Variants in PCDHA3 observed in about 807,000 individuals in gnomAD.
PCDHA3 encodes the protein protocadherin alpha 3.
Under a neutral mutation model 62.2 loss-of-function variants are expected in PCDHA3, and 41 were observed. The ratio of observed to expected loss-of-function variants is 0.66; its 90% confidence interval spans 0.51 to 0.86. PCDHA3 has a LOEUF of 0.86. Among genes scored for constraint, PCDHA3 ranks in the 40% least tolerant of loss-of-function variants. The pLI is 0.00. For missense variants in PCDHA3, 1,304 were observed against 1,241.2 expected (o/e 1.05, Z -0.76); for synonymous variants, 640 against 555.4 (o/e 1.15, Z -2.14).
chr5:140,828,149 C>T, intron 1 of PCDHA3: 1 of 1,614,102 alleles, frequency 6.2e-7, no homozygotes. Flanking sequence ...CCCGCTTCTG[C>T]TCCTCGCAGC....
At chr5:140,927,316 C>A in intron 1 of PCDHA3, 1 of 1,614,198 alleles carries the variant, frequency 6.2e-7, no homozygotes, top group Non-Finnish European at 8.5e-7. Flanking sequence ...GCCCGGAGCC[C>A]GCTTTACTCT....
chr5:140,869,307 C>G, intron 1 of PCDHA3: 2 of 1,613,664 alleles, frequency 1.2e-6, no homozygotes, highest in Non-Finnish European at 1.7e-6. Flanking sequence ...GGGTGGCGTC[C>G]AAAACACATG....
chr5:141,001,489 T>C (rs2098020927), intron 3 of PCDHA3, among the ~76,000 whole-genome samples: 3 of 152,236 alleles, frequency 2.0e-5, no homozygotes. Context: ...GTGCTGGAAA[T>C]GCTAGCCCAG....
At chr5:140,862,433 G>A (rs781821294) in intron 1 of PCDHA3, 31 of 354,884 alleles carry the variant, frequency 8.7e-5, no homozygotes, top group Admixed American at 2.6e-4. Context: ...GAAACTATTC[G>A]TTGGTACTCC....
At chr5:140,888,210 T>TTG (rs1325850915) in intron 1 of PCDHA3, among the ~76,000 whole-genome samples, 2 of 152,080 alleles carry the variant, frequency 1.3e-5, no homozygotes, top group Admixed American at 1.3e-4. Context: ...ATGCTGGATT[T>TTG]TGTGTGTGTG....
In PCDHA3 at chr5:140,801,924, G is replaced by C; in HGVS notation, c.727G>C (p.Glu243Gln). 1 of 1,614,206 alleles carries C rather than the reference G, an allele frequency of 6.2e-7. No individual in the cohort carries two copies. Among genetic ancestry groups the C allele is most frequent in the Non-Finnish European group, 8.5e-7 (1 of 1,180,046 alleles). Residue 243 changes from glutamate to glutamine, a missense_variant, in exon 1 of 4, where the codon GAG (glutamate) becomes CAG (glutamine). Coordinates refer to ENST00000522353, the MANE Select transcript of PCDHA3 (RefSeq NM_018906.3). ...TGTAAACGACAACGCCCCAGCGTTT[G>C]AGAGGACGATCTATAAAGTCAGATT... Reference protein sequence around the residue: ...LDVNDNAPAFERTIYKVRLLE... With the variant: ...LDVNDNAPAFQRTIYKVRLLE...
At chr5:140,857,890 G>A in intron 1 of PCDHA3, 3 of 1,597,852 alleles carry the variant, frequency 1.9e-6, no homozygotes, top group Non-Finnish European at 2.6e-6. Context: ...AGTCGGCGGC[G>A]GTTGGTGCAC....
intron 1 of PCDHA3, chr5:140,827,969 T>G: frequency 1.5e-6 from 2 of 1,373,188 alleles, no homozygotes; most frequent in Non-Finnish European, 2.0e-6. Flanking sequence ...TATTACTGCA[T>G]CATTCCCTGA....
Position 140,857,130 on chromosome 5 carries a change from A to T in PCDHA3, c.2394+53539A>T, listed in dbSNP as rs1554149562. 6.3e-7 allele frequency: 1 copy of T among 1,598,310 alleles called. No individual in the cohort carries two copies. The highest frequency in any genetic ancestry group is 8.6e-7 in the Non-Finnish European group (1 of 1,167,812). On this transcript the variant is annotated intron_variant, in intron 1 of 3. Coordinates refer to ENST00000522353, the MANE Select transcript of PCDHA3 (RefSeq NM_018906.3). Reference sequence around the variant, plus strand: ...TCTCTGTCTCTCCCAGTGAAAGAAGATGCTCAAGTGGGCACCGTCATTGCC... The same window carrying T: ...TCTCTGTCTCTCCCAGTGAAAGAAGTTGCTCAAGTGGGCACCGTCATTGCC...
chr5:140,801,755 T>C lies in PCDHA3; in HGVS notation c.558T>C (p.Asp186=), dbSNP rs1554121669. 2 of 1,613,940 alleles carry C rather than the reference T, an allele frequency of 1.2e-6. No individual in the cohort carries two copies. The highest frequency in any genetic ancestry group is 1.7e-5 in the Admixed American group (1 of 59,966). ...TTACCTTGGACGTTAAAAGAAATGA[T>C]GAGGAAATTAAATCCCTTGGACTCG... The part of the protein sequence containing the change: ...EYFTLDVKRN[D]EEIKSLGLVL... Residue 186 remains aspartate (D), a synonymous_variant, in exon 1 of 4, where the codon GAT becomes GAC. Coordinates refer to ENST00000522353, the MANE Select transcript of PCDHA3 (RefSeq NM_018906.3).
intron 1 of PCDHA3, chr5:140,829,623 A>T: frequency 6.2e-7 from 1 of 1,612,184 alleles, no homozygotes; most frequent in Non-Finnish European, 8.5e-7. Flanking sequence ...ATTTCGGTGC[A>T]CGCGGAGAGC....
rs2150127070 is a variant in PCDHA3 at position 140,823,576 on chromosome 5, G to C, written c.2394+19985G>C. The C allele has an allele frequency of 3.7e-6, 6 of 1,613,976 alleles. No homozygotes were observed. In the East Asian group the frequency reaches 1.3e-4, roughly 36 times the overall value. ...GGTGCGCGCAGTGGACCCTGATTCG[G>C]GCTACAACGCTTGGCTTTCGTATGA... On this transcript the variant is annotated intron_variant, in intron 1 of 3. Coordinates refer to ENST00000522353, the MANE Select transcript of PCDHA3 (RefSeq NM_018906.3).
At chr5:140,998,125 A>G (rs2097797565) in intron 3 of PCDHA3, among the ~76,000 whole-genome samples, 1 of 152,222 alleles carries the variant, frequency 6.6e-6, no homozygotes. Flanking sequence ...CTTGTGAATC[A>G]TAATAGCTAA....
chr5:140,903,958 T>G (rs960235173), intron 1 of PCDHA3, among the ~76,000 whole-genome samples: 1 of 152,236 alleles, frequency 6.6e-6, no homozygotes, highest in Non-Finnish European at 1.5e-5. Context: ...GAAAATTATT[T>G]GTTGATTTTT....
chr5:141,000,413 A>T (rs1563651324), intron 3 of PCDHA3, among the ~76,000 whole-genome samples: 4 of 93,212 alleles, frequency 4.3e-5, no homozygotes, highest in African/African-American at 1.8e-4. Flanking sequence ...ATATATATAT[A>T]TATATATATT....
chr5:140,870,836 A>G (rs375475405), intron 1 of PCDHA3: 3 of 1,613,796 alleles, frequency 1.9e-6, no homozygotes, highest in Non-Finnish European at 2.5e-6. Flanking sequence ...GCAGTTAACA[A>G]GCTAGTACCG....
At chr5:140,869,752 G>A (rs1398153775) in intron 1 of PCDHA3, 17 of 1,613,136 alleles carry the variant, frequency 1.1e-5, no homozygotes, top group African/African-American at 1.3e-5. Context: ...AGCTACAGAC[G>A]GGGGAAAACC....
At chr5:140,862,992 C>A (rs781974665) in intron 1 of PCDHA3, 3 of 548,132 alleles carry the variant, frequency 5.5e-6, no homozygotes, top group Admixed American at 1.9e-5. Flanking sequence ...AAGGTGCGCA[C>A]GGTGGACTCC....
rs186232239 is a variant in PCDHA3, at chr5:140,924,849, C to T, written c.2395-54100C>T. On this transcript the variant is annotated intron_variant, in intron 1 of 3. Coordinates refer to ENST00000522353, the MANE Select transcript of PCDHA3 (RefSeq NM_018906.3). ...GGGGGAGGTTGCAGGGAGCTCAGAT[C>T]GTGCCACTGCACTCCAGCCTGGGTG... 8.0e-3 allele frequency among the ~76,000 whole-genome samples: 1,208 copies of T among 150,322 alleles called. 6 individuals are homozygous for T. Among genetic ancestry groups the T allele is most frequent in the African/African-American group, 0.019 (780 of 40,670 alleles).
Sources: allele counts gnomAD v4.1 joint callset (sites outside exome capture counted in the v4.1 genomes callset), GRCh38; gene constraint gnomAD v4.1.1; transcripts MANE v1.5; gene names NCBI Gene and HGNC (gene_info 2026-07-23, HGNC 2026-07-21).